VPS13B: variants seen among roughly 807,000 people sequenced by gnomAD.
VPS13B encodes intermembrane lipid transfer protein VPS13B.
A neutral mutation model predicts 426.4 loss-of-function variants in VPS13B; 285 were observed. The observed-to-expected ratio is 0.67, with a 90% CI of 0.61 to 0.74. The LOEUF (loss-of-function observed/expected upper bound fraction) is 0.74. Among genes scored for constraint, VPS13B ranks in the 30% least tolerant of loss-of-function variants. VPS13B has a pLI of 0.00. For synonymous variants in VPS13B, 1,676 were observed against 1,676.4 expected, an observed-to-expected ratio of 1.00 and a Z score of 0.01; for missense variants, 4,537 against 4,782.6, an observed-to-expected ratio of 0.95 and a Z score of 1.51.
intron 3 of VPS13B, among the ~76,000 whole-genome samples, chr8:99,088,483 A>G (rs1021502995): frequency 6.6e-6 from 1 of 152,188 alleles, no homozygotes. Context: ...GGGGGAAACA[A>G]TGGGAGAAGG....
intron 35 of VPS13B, among the ~76,000 whole-genome samples, chr8:99,667,487 AT>A (rs1190060322): frequency 1.3e-5 from 2 of 152,196 alleles, no homozygotes; most frequent in Non-Finnish European, 2.9e-5. Flanking sequence ...AGTCTAAAAC[AT>A]TTTAAACAAA....
chr8:99,661,531 A>G (rs748610396), intron 35 of VPS13B, 40 bp downstream of exon 35: 5 of 1,602,358 alleles, frequency 3.1e-6, no homozygotes, highest in Non-Finnish European at 3.4e-6. Flanking sequence ...TACATTTTTT[A>G]TGTGAATATA....
At chr8:99,482,143 T>C (rs1820070664) in intron 25 of VPS13B, among the ~76,000 whole-genome samples, 1 of 152,150 alleles carries the variant, frequency 6.6e-6, no homozygotes, top group East Asian at 1.9e-4. Flanking sequence ...TCTGTTCCGC[T>C]ACACCTTTTT....
chr8:99,568,492 T>C (rs1397403378), intron 31 of VPS13B, among the ~76,000 whole-genome samples: 1 of 151,896 alleles, frequency 6.6e-6, no homozygotes, highest in Non-Finnish European at 1.5e-5. Context: ...GGTTTTACCA[T>C]GTTGGCCAGA....
At chr8:99,120,845 T>G (rs960498021) in intron 7 of VPS13B, among the ~76,000 whole-genome samples, 2 of 152,206 alleles carry the variant, frequency 1.3e-5, no homozygotes, top group African/African-American at 2.4e-5. Flanking sequence ...GTAGGTTTTT[T>G]GTTGTTGGTT....
Position 99,511,492 on chromosome 8 carries a change from A to G in VPS13B, c.4613A>G (p.Glu1538Gly), listed in dbSNP as rs750283453. Reference protein sequence around the residue: ...VIRIFIPKTEEMQPTVEANQA... With the variant: ...VIRIFIPKTEGMQPTVEANQA... Reference sequence around the variant, plus strand: ...AGAATTTTTATTCCAAAAACAGAAGAAATGCAGCCAACTGTTGAAGGTATT... The same window carrying G: ...AGAATTTTTATTCCAAAAACAGAAGGAATGCAGCCAACTGTTGAAGGTATT... The change falls in exon 29 of 62, where the codon GAA becomes GGA. Residue 1538 changes from glutamate (E) to glycine (G), a missense_variant. This residue lies in a region of VPS13B where 4,311 missense variants were observed against 4,474.3 expected (regional missense o/e 0.96). Coordinates refer to ENST00000357162, the MANE Select transcript of VPS13B (RefSeq NM_152564.5). The G allele has an allele frequency of 1.9e-6, 3 of 1,612,496 alleles. No homozygotes were observed. The South Asian group carries it at 3.3e-5, about 18-fold the overall frequency.
chr8:99,710,192 A>G (rs1405331375), intron 36 of VPS13B, among the ~76,000 whole-genome samples: 1 of 152,134 alleles, frequency 6.6e-6, no homozygotes, highest in Non-Finnish European at 1.5e-5. Context: ...AACAAATATA[A>G]ACATTTGTCT....
At chr8:99,302,601 C>T (rs184156575) in intron 19 of VPS13B, among the ~76,000 whole-genome samples, 2 of 152,196 alleles carry the variant, frequency 1.3e-5, no homozygotes, top group African/African-American at 4.8e-5. Context: ...CCTCCATCTC[C>T]TAGGTTCAAG....
At chr8:99,861,672 T>A (rs912571160) in intron 57 of VPS13B, 104 bp from the exon 58 acceptor site, 1 of 1,445,354 alleles carries the variant, frequency 6.9e-7, no homozygotes, top group African/African-American at 1.4e-5. Flanking sequence ...CCACTGGGCA[T>A]GTCCAGGAGG....
At chr8:99,274,153 A>G (rs775434413) in intron 17 of VPS13B, 45 bp from the exon 18 acceptor site, 4 of 1,612,070 alleles carry the variant, frequency 2.5e-6, no homozygotes, top group South Asian at 2.2e-5. Flanking sequence ...TATAAAAATT[A>G]TTTAAATTCA....
In VPS13B at chr8:99,166,265, A is replaced by C. The variant is rs1264702821; in HGVS notation, c.2209-3774A>C. Among the ~76,000 whole-genome samples, 7 of 152,218 alleles carry C rather than the reference A, an allele frequency of 4.6e-5. No individual in the cohort carries two copies. The East Asian group carries it at 1.2e-3, about 25-fold the overall frequency. ...CTCCCAAAGTGCTGGGATTATAGGC[A>C]TGAGCCACCGTGCCTGGCCAGGTAA... On this transcript the variant is annotated intron_variant, in intron 15 of 61. Transcript: ENST00000357162.
chr8:99,036,862 A>G (rs1157291663), intron 2 of VPS13B, among the ~76,000 whole-genome samples: 3 of 152,116 alleles, frequency 2.0e-5, no homozygotes, highest in Non-Finnish European at 2.9e-5. Flanking sequence ...CAGTGCTGAT[A>G]ATGGAAGTAT....
At chr8:99,418,455 TTTTCTTTC>T (rs59187307) in intron 21 of VPS13B, among the ~76,000 whole-genome samples, 20,246 of 122,594 alleles carry the variant, frequency 0.17, 1,659 homozygotes, top group East Asian at 0.2. Context: ...TTTATCATAG[TTTTCTTTC>T]TTTCTTTCTT....
chr8:99,128,650 T>G (rs1195107442), intron 8 of VPS13B, among the ~76,000 whole-genome samples: 1 of 152,054 alleles, frequency 6.6e-6, no homozygotes, highest in East Asian at 1.9e-4. Flanking sequence ...GTAAAGGAGA[T>G]AAACCCATGT....
chr8:99,499,649 T>C (rs1039874034), intron 25 of VPS13B, among the ~76,000 whole-genome samples: 4 of 152,160 alleles, frequency 2.6e-5, no homozygotes, highest in African/African-American at 9.7e-5. Flanking sequence ...TTTTATAGCT[T>C]CTCAAGTTGT....
intron 25 of VPS13B, among the ~76,000 whole-genome samples, chr8:99,482,638 G>T (rs571955324): frequency 9.0e-4 from 137 of 152,082 alleles, no homozygotes; most frequent in African/African-American, 3.1e-3. Flanking sequence ...ACAAACTCTT[G>T]GTAAAGTTTC....
chr8:99,121,167 T>G lies in VPS13B; in HGVS notation c.938-10T>G. The stretch of plus-strand genomic sequence containing the variant: ...TGACTTATTTAAAATGACTTAATTT[T>G]AATTGATAGGTTCTGAAGATGAAAC... On this transcript the variant is annotated splice_polypyrimidine_tract_variant and intron_variant, in intron 7 of 61. Transcript: ENST00000357162. The G allele has an allele frequency of 6.2e-7, 1 of 1,610,086 alleles. No individual in the cohort carries two copies. Among genetic ancestry groups the G allele is most frequent in the Non-Finnish European group, 8.5e-7 (1 of 1,178,270 alleles).
At chr8:99,637,153 G>A (rs559729332) in intron 33 of VPS13B, among the ~76,000 whole-genome samples, 31 of 152,024 alleles carry the variant, frequency 2.0e-4, no homozygotes, top group South Asian at 2.1e-4. Flanking sequence ...TGAACTCTTC[G>A]TTTTCCACAA....
chr8:99,565,040 G>A (rs552860362), intron 31 of VPS13B, among the ~76,000 whole-genome samples: 25 of 152,198 alleles, frequency 1.6e-4, no homozygotes, highest in Admixed American at 1.6e-3. Context: ...TGCTTTATAT[G>A]GATACTAGTG....
Sources: allele counts gnomAD v4.1 joint callset (sites outside exome capture counted in the v4.1 genomes callset), GRCh38; gene constraint gnomAD v4.1.1; regional missense constraint gnomAD v4.1.1; transcripts MANE v1.5; gene names NCBI Gene and HGNC (gene_info 2026-07-23, HGNC 2026-07-21).